Variants in FN3K observed in about 807,000 individuals in gnomAD.
The protein encoded by FN3K is fructosamine 3 kinase, also known as fructosamine-3-kinase.
In FN3K, 24 loss-of-function variants were observed where a neutral mutation model predicts 24.8. That is an observed-to-expected ratio of 0.97 (90% CI 0.70 to 1.36). FN3K has a LOEUF of 1.36. FN3K is among the 40% of genes most tolerant of loss of function. The probability of loss-of-function intolerance (pLI) is 0.00; values close to 1 mark genes in which losing one functional copy is unlikely to be tolerated. For synonymous variants in FN3K, 192 were observed against 175.2 expected (o/e 1.10, Z -0.76); for missense variants, 449 against 416.7 (o/e 1.08, Z -0.67).
At chr17:82,746,042 C>T (rs941185048) in intron 4 of FN3K, among the ~76,000 whole-genome samples, 2 of 143,786 alleles carry the variant, frequency 1.4e-5, no homozygotes, top group Admixed American at 7.5e-5. Context: ...TGCAGTGAGC[C>T]GAGATCTCGC....
chr17:82,750,638 G>C lies in FN3K; in HGVS notation c.813G>C (p.Pro271=), dbSNP rs750001644. The part of the protein sequence containing the change: ...TAYHRKIPKA[P]GFDQRLLLYQ... ...ACCACCGGAAGATCCCCAAGGCTCC[G>C]GGCTTCGACCAGCGGCTGCTGCTCT... The change falls in exon 6 of 6, where the codon CCG becomes CCC. Residue 271 remains proline, a synonymous_variant. Transcript: ENST00000300784. 1 of 1,614,000 alleles carries C rather than the reference G, an allele frequency of 6.2e-7. No individual in the cohort carries two copies. Among genetic ancestry groups the C allele is most frequent in the South Asian group, 1.1e-5 (1 of 91,072 alleles).
intron 4 of FN3K, 22 bp from the exon 5 acceptor site, chr17:82,748,833 C>G (rs1255630250): frequency 5.6e-6 from 9 of 1,607,066 alleles, no homozygotes; most frequent in Non-Finnish European, 5.1e-6. Flanking sequence ...GCAACAGTGG[C>G]CTCTTTTCCC....
chr17:82,736,265 G>A (rs1159615925), intron 1 of FN3K: 1 of 157,738 alleles, frequency 6.3e-6, no homozygotes, highest in Non-Finnish European at 1.4e-5. Flanking sequence ...GCCGGGCGCG[G>A]TGGTTCACAC....
At chr17:82,742,684 A>C (rs1467492751) in intron 4 of FN3K, 3 of 456,118 alleles carry the variant, frequency 6.6e-6, no homozygotes, top group South Asian at 3.1e-5. Flanking sequence ...GTTCCAAAGA[A>C]GACTTTGGAC....
At position 82,737,803 on chromosome 17, in the gene FN3K, C is replaced by T. The variant is rs78963482; in HGVS notation, c.142-686C>T. On this transcript the variant is annotated intron_variant, in intron 1 of 5. Transcript: ENST00000300784. ...CCTGGGTGACAGAGTGAGACCCTGT[C>T]TCAAAACAAACATGCAATTCTATAG... 6.3e-3 allele frequency: 964 copies of T among 152,420 alleles called. 9 individuals carry two copies. The highest frequency in any genetic ancestry group is 0.022 in the African/African-American group (902 of 41,572). 9.4% of individuals were successfully genotyped at this position (152,420 alleles called of 1,614,324 possible). A position where few individuals can be genotyped will look rare whatever the true frequency, so the allele number is the denominator to read the frequency against.
Position 82,735,796 on chromosome 17 carries a change from G to T in FN3K, c.141+19G>T, listed in dbSNP as rs974413175. The T allele has an allele frequency of 4.5e-6, 7 of 1,552,198 alleles. No individual in the cohort carries two copies. Among genetic ancestry groups the T allele is most frequent in the Non-Finnish European group, 6.1e-6 (7 of 1,149,724 alleles). ...GACGCAGGTGCTGGCCCGTGCGCAG[G>T]CGGGGGCTCTGCGGGTCTCTGCGGG... On this transcript the variant is annotated intron_variant, in intron 1 of 5. Transcript: ENST00000300784.
chr17:82,750,387 C>T, intron 5 of FN3K, 30 bp from the exon 6 acceptor site: 1 of 1,595,662 alleles, frequency 6.3e-7, no homozygotes, highest in Non-Finnish European at 8.6e-7. Flanking sequence ...TCCCAGAGGC[C>T]AGCGATAACT....
At chr17:82,750,011 T>G in intron 5 of FN3K, 1 of 236,654 alleles carries the variant, frequency 4.2e-6, no homozygotes, top group Non-Finnish European at 8.5e-6. Flanking sequence ...TGAGCCGAGA[T>G]GGCGCCACTG....
chr17:82,747,407 G>C (rs2046974430), intron 4 of FN3K, among the ~76,000 whole-genome samples: 1 of 151,986 alleles, frequency 6.6e-6, no homozygotes, highest in African/African-American at 2.4e-5. Context: ...ATTTTGTTTT[G>C]TTTTGCTTTT....
rs1598341324 is a variant in FN3K at position 82,740,820 on chromosome 17, C to G, written c.351C>G (p.Leu117=). 6.2e-7 allele frequency: 1 copy of G among 1,613,612 alleles called. No homozygotes were observed. Among genetic ancestry groups the G allele is most frequent in the Non-Finnish European group, 8.5e-7 (1 of 1,179,746 alleles). The change falls in exon 3 of 6, where the codon CTC becomes CTG. Residue 117 remains leucine, a synonymous_variant. Transcript: ENST00000300784. The stretch of plus-strand genomic sequence containing the variant: ...ATTTGCATCTTTACAACCAGAAGCT[C>G]AGGGAGAAGTTGAAGGAGGAGGAGA... The part of the protein sequence containing the change: ...MADLHLYNQK[L]REKLKEEENT...
chr17:82,744,370 C>T (rs1412587358), intron 4 of FN3K, among the ~76,000 whole-genome samples: 2 of 152,222 alleles, frequency 1.3e-5, no homozygotes, highest in African/African-American at 4.8e-5. Context: ...TGAACCTTTA[C>T]CACAGTCAAG....
intron 2 of FN3K, among the ~76,000 whole-genome samples, chr17:82,739,446 C>T (rs1273478531): frequency 6.7e-6 from 1 of 148,830 alleles, no homozygotes; most frequent in African/African-American, 2.5e-5. Flanking sequence ...CCCACCACCT[C>T]ACGCAGCTAT....
rs1449330106 is a variant in FN3K at position 82,750,859 on chromosome 17, C to G, written c.*104C>G. 2.4e-6 allele frequency: 2 copies of G among 822,126 alleles called. No homozygotes were observed. Among genetic ancestry groups the G allele is most frequent in the Admixed American group, 2.4e-5 (1 of 40,818 alleles). 50.9% of individuals were successfully genotyped at this position (822,126 alleles called of 1,614,324 possible). A position where few individuals can be genotyped will look rare whatever the true frequency, so the allele number is the denominator to read the frequency against. On this transcript the variant is annotated 3_prime_UTR_variant, in exon 6 of 6. Transcript: ENST00000300784. ...GCCCCCGTCCCTGTCCCCCTGTTCC[C>G]GTCTCCCCGTCCCTCCGTCTCCATC...
intron 5 of FN3K, 82 bp downstream of exon 5, chr17:82,749,059 G>A (rs749807835): frequency 1.0e-5 from 16 of 1,588,058 alleles, no homozygotes; most frequent in African/African-American, 5.4e-5. Flanking sequence ...TCTGTAAAAC[G>A]GAGCTGGAGC....
rs772712737 is a variant in FN3K, at chr17:82,735,773, C to T, written c.137C>T (p.Thr46Met). The T allele has an allele frequency of 6.4e-7, 1 of 1,562,030 alleles. No individual in the cohort carries two copies. The highest frequency in any genetic ancestry group is 1.9e-5 in the Admixed American group (1 of 51,790). The change falls in exon 1 of 6, where the codon ACG becomes ATG. Residue 46 changes from threonine to methionine, a missense_variant. Transcript: ENST00000300784. ...GTGTTCGTCAAAGTCAACCGCAGGA[C>T]GCAGGTGCTGGCCCGTGCGCAGGCG... ...GPVFVKVNRR[T>M]QARQMFEGEV...
Position 82,738,543 on chromosome 17 carries a change from G to C in FN3K, c.196G>C (p.Gly66Arg), listed in dbSNP as rs1185838300. ...VASLEALRST[G>R]LVRVPRPMKV... Reference sequence around the variant, plus strand: ...CAGCCTGGAGGCCCTCAGGAGCACGGGCCTGGTGCGGGTGCCGAGGCCCAT... The same window carrying C: ...CAGCCTGGAGGCCCTCAGGAGCACGCGCCTGGTGCGGGTGCCGAGGCCCAT... Residue 66 changes from glycine to arginine, a missense_variant, in exon 2 of 6, where the codon GGC becomes CGC. By Grantham distance (125) the Gly-to-Arg change is moderately radical. Coordinates refer to ENST00000300784, the MANE Select transcript of FN3K (RefSeq NM_022158.4). 6.2e-7 allele frequency: 1 copy of C among 1,612,640 alleles called. No homozygotes were observed. The highest frequency in any genetic ancestry group is 2.2e-5 in the East Asian group (1 of 44,892).
intron 2 of FN3K, among the ~76,000 whole-genome samples, chr17:82,738,913 T>C (rs932939261): frequency 2.4e-4 from 29 of 119,330 alleles, no homozygotes; most frequent in Admixed American, 1.5e-3. Context: ...GCATAAAATA[T>C]ATATATATAC....
Position 82,750,779 on chromosome 17 carries a change from G to C in FN3K, c.*24G>C, listed in dbSNP as rs763813460. 6 of 1,568,904 alleles carry C rather than the reference G, an allele frequency of 3.8e-6. No homozygotes were observed. In the Admixed American group the frequency reaches 8.6e-5, roughly 22 times the overall value. On this transcript the variant is annotated 3_prime_UTR_variant, in exon 6 of 6. Coordinates refer to ENST00000300784, the MANE Select transcript of FN3K (RefSeq NM_022158.4). ...AGCGGCCCCTGCCCTCCCTTCCCCT[G>C]TCCCCGTCCCCGTCTCCGTCTCCCC...
chr17:82,740,681 A>G, intron 2 of FN3K, 82 bp from the exon 3 acceptor site: 1 of 944,832 alleles, frequency 1.1e-6, no homozygotes, highest in Non-Finnish European at 1.7e-6. Context: ...CAATGTATTT[A>G]AACCTTTCTC....
Sources: allele counts gnomAD v4.1 joint callset (sites outside exome capture counted in the v4.1 genomes callset), GRCh38; gene constraint gnomAD v4.1.1; transcripts MANE v1.5; gene names NCBI Gene and HGNC (gene_info 2026-07-23, HGNC 2026-07-21).